The following TAS2R1 variants were observed in gnomAD, a reference collection of about 807,000 sequenced individuals.
TAS2R1 encodes the protein taste 2 receptor member 1, also known as taste receptor type 2 member 1.
For synonymous variants in TAS2R1, 141 were observed against 134.2 expected, an observed-to-expected ratio of 1.05 and a Z score of -0.35; for missense variants, 370 against 353.4, an observed-to-expected ratio of 1.05 and a Z score of -0.38.
chr5:9,830,605 G>GCACACACA, the TAS2R1 span, among the ~76,000 whole-genome samples: 1,577 of 149,794 alleles, frequency 0.011, 16 homozygotes, highest in African/African-American at 0.016. Flanking sequence ...ACGTGCGCGC[G>GCACACACA]CACACACACA....
At chr5:9,757,147 A>G in the TAS2R1 span, among the ~76,000 whole-genome samples, 1 of 152,240 alleles carries the variant, frequency 6.6e-6, no homozygotes, top group Non-Finnish European at 1.5e-5. Flanking sequence ...AACATTTAAG[A>G]TTTTAATTTA....
At chr5:9,792,826 T>C in the TAS2R1 span, among the ~76,000 whole-genome samples, 1 of 152,202 alleles carries the variant, frequency 6.6e-6, no homozygotes, top group Non-Finnish European at 1.5e-5. Flanking sequence ...CTCTATATGA[T>C]CTTTCTTCCT....
the TAS2R1 span, among the ~76,000 whole-genome samples, chr5:9,717,834 TG>T: frequency 6.6e-6 from 1 of 152,152 alleles, no homozygotes; most frequent in African/African-American, 2.4e-5. Flanking sequence ...CTACAACCTA[TG>T]TATATAGTAA....
the TAS2R1 span, among the ~76,000 whole-genome samples, chr5:9,801,559 T>G: frequency 2.0e-5 from 3 of 152,300 alleles, no homozygotes; most frequent in Admixed American, 2.0e-4. Context: ...GGATCACCGT[T>G]GCAGGCTCCC....
the TAS2R1 span, among the ~76,000 whole-genome samples, chr5:9,725,808 G>A: frequency 2.0e-5 from 3 of 152,332 alleles, no homozygotes; most frequent in African/African-American, 4.8e-5. Flanking sequence ...TGGTGGGGAC[G>A]TGGAGAACCT....
At chr5:9,891,456 A>C in the TAS2R1 span, among the ~76,000 whole-genome samples, 2 of 152,140 alleles carry the variant, frequency 1.3e-5, no homozygotes, top group East Asian at 3.8e-4. Flanking sequence ...ATCTGCCAAC[A>C]TAACTCACAT....
At chr5:9,806,663 CAACAA>C in the TAS2R1 span, among the ~76,000 whole-genome samples, 1 of 152,006 alleles carries the variant, frequency 6.6e-6, no homozygotes, top group Non-Finnish European at 1.5e-5. Context: ...CCACCCTATT[CAACAA>C]ATGGTGCTGG....
the TAS2R1 span, among the ~76,000 whole-genome samples, chr5:9,819,361 T>C: frequency 6.6e-6 from 1 of 152,190 alleles, no homozygotes; most frequent in South Asian, 2.1e-4. Flanking sequence ...ATCCATTACA[T>C]GCGAGCTTAA....
At chr5:9,720,987 G>GCTGCTGCAGCGCCCACCCTGC in the TAS2R1 span, among the ~76,000 whole-genome samples, 3 of 152,166 alleles carry the variant, frequency 2.0e-5, no homozygotes, top group Non-Finnish European at 2.9e-5. Flanking sequence ...TTCCACTAGG[G>GCTGCTGCAGCGCCCACCCTGC]CTGCTGCAGC....
intron 2 of TAS2R1, among the ~76,000 whole-genome samples, chr5:9,658,039 C>T (rs566490668): frequency 2.0e-5 from 3 of 152,152 alleles, no homozygotes; most frequent in Non-Finnish European, 4.4e-5. Context: ...CAGGGCTCCT[C>T]CCCTTCATCC....
intron 2 of TAS2R1, among the ~76,000 whole-genome samples, chr5:9,650,202 G>A (rs567865517): frequency 2.6e-5 from 4 of 152,210 alleles, no homozygotes; most frequent in South Asian, 2.1e-4. Flanking sequence ...ATATTCTAAC[G>A]TTGCTTAAGA....
chr5:9,790,138 A>G, the TAS2R1 span, among the ~76,000 whole-genome samples: 2 of 152,214 alleles, frequency 1.3e-5, no homozygotes, highest in Non-Finnish European at 2.9e-5. Context: ...GATCCAGTAC[A>G]GAGGGGCAGT....
At chr5:9,759,987 G>T in the TAS2R1 span, among the ~76,000 whole-genome samples, 3 of 152,038 alleles carry the variant, frequency 2.0e-5, no homozygotes, top group Admixed American at 6.6e-5. Context: ...TGAGAGACAA[G>T]ACACAAATTA....
the TAS2R1 span, among the ~76,000 whole-genome samples, chr5:9,725,721 G>A: frequency 2.1e-5 from 3 of 142,452 alleles, no homozygotes; most frequent in Non-Finnish European, 4.4e-5. Flanking sequence ...CAGGCACACG[G>A]CACGGGACTG....
rs911516312 is a variant in TAS2R1, at chr5:9,645,216, A to G, written c.-81+14205T>C. Among the ~76,000 whole-genome samples, 5 of 152,288 alleles carry G rather than the reference A, an allele frequency of 3.3e-5. No homozygotes were observed. In the East Asian group the frequency reaches 7.7e-4, roughly 24 times the overall value. ...TAAACAATTGAAAGGCATAACATCA[A>G]TTTGTCCTCTTGACAATTTTATGAA... On this transcript the variant is annotated intron_variant, in intron 2 of 2. Transcript: ENST00000506620.
chr5:9,691,160 C>G (rs1431532366), intron 1 of TAS2R1, among the ~76,000 whole-genome samples: 2 of 152,206 alleles, frequency 1.3e-5, no homozygotes, highest in African/African-American at 4.8e-5. Context: ...GGGGGCCCCT[C>G]AATCCGGTCA....
the TAS2R1 span, among the ~76,000 whole-genome samples, chr5:9,747,278 G>A: frequency 1.3e-5 from 2 of 152,158 alleles, no homozygotes; most frequent in Non-Finnish European, 2.9e-5. Flanking sequence ...GTGTTAAAGA[G>A]GGGTGAATGT....
At chr5:9,706,034 G>C (rs1169797152) in intron 1 of TAS2R1, among the ~76,000 whole-genome samples, 3 of 152,082 alleles carry the variant, frequency 2.0e-5, no homozygotes, top group Non-Finnish European at 2.9e-5. Flanking sequence ...AAGTCCCTTT[G>C]GCCCTCATAC....
the TAS2R1 span, among the ~76,000 whole-genome samples, chr5:9,851,423 A>C: frequency 6.6e-6 from 1 of 152,118 alleles, no homozygotes; most frequent in East Asian, 1.9e-4. Flanking sequence ...AGAGCACTTT[A>C]ATTCTGGTCT....
Sources: allele counts gnomAD v4.1 joint callset (sites outside exome capture counted in the v4.1 genomes callset), GRCh38; gene constraint gnomAD v4.1.1; transcripts MANE v1.5; gene names NCBI Gene and HGNC (gene_info 2026-07-23, HGNC 2026-07-21).